PNPLA1: variants seen among roughly 807,000 people sequenced by gnomAD.
The protein encoded by PNPLA1 is patatin like domain 1, omega-hydroxyceramide transacylase.
A neutral mutation model predicts 51.7 loss-of-function variants in PNPLA1; 36 were observed. The ratio of observed to expected loss-of-function variants is 0.70; its 90% CI spans 0.53 to 0.92. The LOEUF (loss-of-function observed/expected upper bound fraction) is 0.92, where lower values mean the gene tolerates loss of function less well. Among genes scored for constraint, PNPLA1 ranks in the 40% least tolerant of loss-of-function variants. PNPLA1 has a pLI of 0.00. For synonymous variants in PNPLA1, 293 were observed against 280.1 expected (o/e 1.05, Z -0.46); for missense variants, 658 against 682.5 (o/e 0.96, Z 0.40).
chr6:36,280,073 G>C (rs1026045295), intron 1 of PNPLA1, among the ~76,000 whole-genome samples: 1 of 152,210 alleles, frequency 6.6e-6, no homozygotes, highest in Non-Finnish European at 1.5e-5. Context: ...GGGCGTGGTG[G>C]TGCGTGCCTG....
At chr6:36,271,002 C>T (rs868021424) in intron 1 of PNPLA1, among the ~76,000 whole-genome samples, 1 of 152,150 alleles carries the variant, frequency 6.6e-6, no homozygotes, top group African/African-American at 2.4e-5. Flanking sequence ...AGCTACACCA[C>T]GGCACAGTCA....
chr6:36,294,020 A>T lies in PNPLA1; in HGVS notation c.505-170A>T. On this transcript the variant is annotated intron_variant, in intron 3 of 8. Transcript: ENST00000636260. This position sits in a 1 kb window ranked among gnomAD's most constrained non-coding sequence, Gnocchi z 4.2. ...AGACTCACTAAGTGACCAGGGGCAC[A>T]CCACGCACCCACCAGGACCTCCGTC... 1 of 727,684 alleles carries T rather than the reference A, an allele frequency of 1.4e-6. No individual in the cohort carries two copies. Among genetic ancestry groups the T allele is most frequent in the Non-Finnish European group, 2.2e-6 (1 of 445,622 alleles). The allele number at this position is 727,684 out of a possible 1,614,324, so 45.1% of individuals were successfully genotyped here. A position where few individuals can be genotyped will look rare whatever the true frequency, so the allele number is the denominator to read the frequency against.
intron 5 of PNPLA1, among the ~76,000 whole-genome samples, chr6:36,299,335 G>GTTTTTTTTTTTTTTTTT (rs767505825): frequency 1.7e-5 from 1 of 58,772 alleles, no homozygotes; most frequent in African/African-American, 4.4e-5. Context: ...TTTTTTGTCT[G>GTTTTTTTTTTTTTTTTT]TTTTTTTTTT....
intron 1 of PNPLA1, among the ~76,000 whole-genome samples, chr6:36,246,430 G>C (rs2127307826): frequency 6.6e-6 from 1 of 152,180 alleles, no homozygotes; most frequent in East Asian, 1.9e-4. Context: ...TTGAACTCTT[G>C]AACTCAAGTG....
At chr6:36,283,379 G>A (rs1395327256) in intron 1 of PNPLA1, among the ~76,000 whole-genome samples, 1 of 152,138 alleles carries the variant, frequency 6.6e-6, no homozygotes, top group Non-Finnish European at 1.5e-5. Context: ...CCAATTCTAG[G>A]GGGAAGACAG....
At chr6:36,244,566 T>A (rs2127306515) in intron 1 of PNPLA1, among the ~76,000 whole-genome samples, 1 of 152,328 alleles carries the variant, frequency 6.6e-6, no homozygotes, top group Non-Finnish European at 1.5e-5. Flanking sequence ...CCATTCTGTG[T>A]GAGCATCCCT....
intron 5 of PNPLA1, among the ~76,000 whole-genome samples, chr6:36,296,114 C>T: frequency 6.6e-6 from 1 of 152,162 alleles, no homozygotes; most frequent in Non-Finnish European, 1.5e-5. Context: ...AATTTGAGAC[C>T]AGCCTGGGCG....
At position 36,301,987 on chromosome 6, in the gene PNPLA1, A is replaced by C. The variant is rs779379285; in HGVS notation, c.902A>C (p.Gln301Pro). 7 of 1,614,200 alleles carry C rather than the reference A, an allele frequency of 4.3e-6. No individual in the cohort carries two copies. The highest frequency in any genetic ancestry group is 5.9e-6 in the Non-Finnish European group (7 of 1,180,024). Reference sequence around the variant, plus strand: ...AGTCAACCAAGCCTTCGAGCACGGCAGGCCAGTCTGGAAGGAGCCACACAA... The same window carrying C: ...AGTCAACCAAGCCTTCGAGCACGGCCGGCCAGTCTGGAAGGAGCCACACAA... ...ERSQPSLRAR[Q>P]ASLEGATQPH... is the part of the protein sequence containing the mutation. The change falls in exon 6 of 9, where the codon CAG becomes CCG. Residue 301 changes from glutamine to proline, a missense_variant. Coordinates refer to ENST00000636260, the MANE Select transcript of PNPLA1 (RefSeq NM_001374623.1).
chr6:36,305,941 G>A (rs1771219525), intron 6 of PNPLA1, among the ~76,000 whole-genome samples: 1 of 152,004 alleles, frequency 6.6e-6, no homozygotes, highest in African/African-American at 2.4e-5. Context: ...TTTTAGTAGA[G>A]ACAGGGTTTC....
rs947261765 is a variant in PNPLA1, at chr6:36,294,580, G to A, written c.714+181G>A. ...TAACTAGCTATGTGACCTTGAACAA[G>A]CGCCTCAAGCTCTCCCAGCTTCAAC... is the stretch of plus-strand genomic sequence containing the variant. On this transcript the variant is annotated intron_variant, in intron 4 of 8. Coordinates refer to ENST00000636260, the MANE Select transcript of PNPLA1 (RefSeq NM_001374623.1). This position sits in a 1 kb window ranked among gnomAD's most constrained non-coding sequence, Gnocchi z 4.2. 6.6e-6 allele frequency among the ~76,000 whole-genome samples: 1 copy of A among 152,210 alleles called. No individual in the cohort carries two copies. The highest frequency in any genetic ancestry group is 1.5e-5 in the Non-Finnish European group (1 of 68,038).
At chr6:36,269,373 C>A (rs1769840067), upstream of PNPLA1, among the ~76,000 whole-genome samples, 1 of 152,208 alleles carries the variant, frequency 6.6e-6, no homozygotes, top group South Asian at 2.1e-4. Flanking sequence ...GGGGGCAGAA[C>A]CGCAGCCCCT....
chr6:36,269,100 A>G (rs988552740), upstream of PNPLA1, among the ~76,000 whole-genome samples: 2 of 152,198 alleles, frequency 1.3e-5, no homozygotes, highest in Non-Finnish European at 2.9e-5. Context: ...CCTTGCCCTC[A>G]CTGTGGAATT....
intron 1 of PNPLA1, among the ~76,000 whole-genome samples, chr6:36,287,509 G>A (rs940726698): frequency 4.6e-5 from 7 of 152,178 alleles, no homozygotes; most frequent in African/African-American, 1.4e-4. Context: ...GAGCCTGGCA[G>A]CCTGCAGCTC....
At chr6:36,296,496 G>A (rs966395260) in intron 5 of PNPLA1, among the ~76,000 whole-genome samples, 1 of 152,092 alleles carries the variant, frequency 6.6e-6, no homozygotes, top group South Asian at 2.1e-4. Context: ...CCAAATGTTC[G>A]TGATTATGAG....
rs1771437378 is a variant in PNPLA1, at chr6:36,312,885, A to G, written c.*999A>G. ...CTTTGAGATGAGCCAGATCATTTCT[A>G]GTCTCCCCAGGATCCTGTCCAAGGG... is the stretch of plus-strand genomic sequence containing the variant. On this transcript the variant is annotated 3_prime_UTR_variant, in exon 9 of 9. Transcript: ENST00000636260. Among the ~76,000 whole-genome samples the G allele has an allele frequency of 6.6e-6, 1 of 152,138 alleles. No individual in the cohort carries two copies. The highest frequency in any genetic ancestry group is 2.1e-4 in the South Asian group (1 of 4,832).
At chr6:36,281,044 C>G (rs1046294271) in intron 1 of PNPLA1, among the ~76,000 whole-genome samples, 7 of 152,196 alleles carry the variant, frequency 4.6e-5, no homozygotes, top group African/African-American at 1.7e-4. Context: ...CCGCCTGCCT[C>G]CGGCTCCCAC....
At chr6:36,300,076 C>T (rs1198856641) in intron 5 of PNPLA1, among the ~76,000 whole-genome samples, 1 of 152,046 alleles carries the variant, frequency 6.6e-6, no homozygotes, top group Non-Finnish European at 1.5e-5. Flanking sequence ...TCCAGGACCC[C>T]CCACCCAGGG....
chr6:36,292,442 A>G (rs1301274144), intron 2 of PNPLA1, among the ~76,000 whole-genome samples: 1 of 151,730 alleles, frequency 6.6e-6, no homozygotes, highest in Non-Finnish European at 1.5e-5. Context: ...CAACCCTAGC[A>G]AACCACACAC....
chr6:36,274,635 A>T (rs1770036193), intron 1 of PNPLA1, among the ~76,000 whole-genome samples: 1 of 152,200 alleles, frequency 6.6e-6, no homozygotes, highest in Non-Finnish European at 1.5e-5. Flanking sequence ...GACTTTGATA[A>T]GTTACTCTCC....
Sources: allele counts gnomAD v4.1 joint callset (sites outside exome capture counted in the v4.1 genomes callset), GRCh38; gene constraint gnomAD v4.1.1; non-coding constraint Gnocchi (gnomAD v3.1); transcripts MANE v1.5; gene names NCBI Gene and HGNC (gene_info 2026-07-23, HGNC 2026-07-21).